Variants in DNAH5 observed in about 807,000 individuals in gnomAD.
DNAH5 encodes the protein axonemal beta dynein heavy chain 5.
DNAH5 carries 372 observed loss-of-function variants against 518.2 expected under a neutral mutation model. The ratio of observed to expected loss-of-function variants is 0.72; its 90% CI spans 0.66 to 0.78. The LOEUF is 0.78. Ranked by LOEUF, DNAH5 falls within the 30% of genes least tolerant of loss-of-function variation. The probability of loss-of-function intolerance (pLI) is 0.00; values close to 1 mark genes in which losing one functional copy is unlikely to be tolerated. For synonymous variants in DNAH5, 2,039 were observed against 2,025.9 expected (o/e 1.01, Z -0.17); for missense variants, 5,523 against 5,687.0 (o/e 0.97, Z 0.93).
At position 13,900,475 on chromosome 5, in the gene DNAH5, A is replaced by G. The variant is rs929529761; in HGVS notation, c.2053-63T>C. 3.1e-6 allele frequency: 4 copies of G among 1,304,560 alleles called. No individual in the cohort carries two copies. In the Admixed American group the frequency reaches 5.2e-5, roughly 17 times the overall value. 80.8% of individuals were successfully genotyped at this position (1,304,560 alleles called of 1,614,324 possible). A position where few individuals can be genotyped will look rare whatever the true frequency, so the allele number is the denominator to read the frequency against. ...TCAATTCATGCAGAGTATCTAGCTC[A>G]GCTATCTCTAGGAATAAGGATCATT... On this transcript the variant is annotated intron_variant, in intron 14 of 78. Coordinates refer to ENST00000265104, the MANE Select transcript of DNAH5 (RefSeq NM_001369.3).
chr5:13,870,771 A>G lies in DNAH5; in HGVS notation c.3830T>C (p.Ile1277Thr), dbSNP rs867208343. 8 of 1,612,338 alleles carry G rather than the reference A, an allele frequency of 5.0e-6. No individual in the cohort carries two copies. The highest frequency in any genetic ancestry group is 3.3e-5 in the South Asian group (3 of 91,024). The change falls in exon 24 of 79, where the codon ATT (isoleucine) becomes ACT (threonine). Residue 1277 changes from isoleucine (I) to threonine (T), a missense_variant. Ile to Thr is a moderately conservative substitution (Grantham distance 89). This residue lies in a region of DNAH5 where 5,121 missense variants were observed against 5,223.3 expected (regional missense o/e 0.98). Coordinates refer to ENST00000265104, the MANE Select transcript of DNAH5 (RefSeq NM_001369.3). ...GAACAAATGATCATTAGTTACCTCAATAGGTCCTACTTGAAAGTCAATGGA... is the reference window on the plus strand; with the variant it reads ...GAACAAATGATCATTAGTTACCTCAGTAGGTCCTACTTGAAAGTCAATGGA... ...QISIDFQVGPIEESYALLNRY... is the reference protein window; with the variant it reads ...QISIDFQVGPTEESYALLNRY...
rs139364454 is a variant in DNAH5, at chr5:13,850,806, G to T, written c.4960C>A (p.Arg1654=). The T allele has an allele frequency of 2.5e-6, 4 of 1,614,078 alleles. No individual in the cohort carries two copies. Among genetic ancestry groups the T allele is most frequent in the South Asian group, 2.2e-5 (2 of 91,072 alleles). ...IAKQLPKEAK[R]FSNIDKSWVK... is the part of the protein sequence containing the mutation. The stretch of plus-strand genomic sequence containing the variant: ...CAAGATTTATCTATGTTAGAAAACC[G>T]CTTGGCTTCCTATGAGAACAAGGTA... The change falls in exon 31 of 79, where the codon CGG becomes AGG. Residue 1654 remains arginine (R), a synonymous_variant. Transcript: ENST00000265104.
At chr5:13,860,442 C>T (rs1014879765) in intron 29 of DNAH5, 11 of 152,278 alleles carry the variant, frequency 7.2e-5, no homozygotes, top group African/African-American at 2.7e-4. Context: ...GTCCTACGTA[C>T]AGAGACTCTG....
chr5:13,794,087 T>A (rs1274977138), intron 47 of DNAH5, 29 bp from the exon 48 acceptor site: 2 of 1,613,872 alleles, frequency 1.2e-6, no homozygotes, highest in Non-Finnish European at 1.7e-6. Flanking sequence ...CTGAAACATC[T>A]GTGAAAATAT....
rs1401209111 is a variant in DNAH5 at position 13,876,674 on chromosome 5, C to G, written c.3396+10G>C. 6.2e-7 allele frequency: 1 copy of G among 1,612,922 alleles called. No individual in the cohort carries two copies. The highest frequency in any genetic ancestry group is 1.3e-5 in the African/African-American group (1 of 74,862). On this transcript the variant is annotated intron_variant, in intron 22 of 78. Coordinates refer to ENST00000265104, the MANE Select transcript of DNAH5 (RefSeq NM_001369.3). ...GCAAAAGGTCCGGCTGCCAGACCCT[C>G]TTGACATACCTTTTTGGTGGAGTTG...
intron 62 of DNAH5, 49 bp from the exon 63 acceptor site, chr5:13,753,598 GATTGTA>G: frequency 6.8e-7 from 1 of 1,476,566 alleles, no homozygotes; most frequent in Non-Finnish European, 9.4e-7. Flanking sequence ...TCATCCGTGT[GATTGTA>G]CAGCATATTA....
chr5:13,758,718 C>T, intron 61 of DNAH5, 128 bp downstream of exon 61: 1 of 1,352,644 alleles, frequency 7.4e-7, no homozygotes, highest in Non-Finnish European at 1.0e-6. Flanking sequence ...ATCAAAGACC[C>T]TTGGTGTCCA....
chr5:13,735,470 C>T (rs1561137703), intron 67 of DNAH5, 149 bp from the exon 68 acceptor site: 3 of 765,054 alleles, frequency 3.9e-6, no homozygotes, highest in Non-Finnish European at 6.4e-6. Flanking sequence ...TCTAAAATAA[C>T]AAGAATTCTC....
intron 78 of DNAH5, among the ~76,000 whole-genome samples, chr5:13,695,904 G>T (rs1361918073): frequency 1.3e-5 from 2 of 151,874 alleles, no homozygotes; most frequent in Non-Finnish European, 2.9e-5. Flanking sequence ...ATCTACTTAC[G>T]CATGGACCTT....
intron 19 of DNAH5, among the ~76,000 whole-genome samples, chr5:13,883,885 C>T (rs529843551): frequency 6.6e-6 from 1 of 152,156 alleles, no homozygotes; most frequent in Admixed American, 6.5e-5. Context: ...AGAGTTTCCA[C>T]TTTTATTTAC....
intron 64 of DNAH5, 59 bp downstream of exon 64, chr5:13,752,075 A>T (rs892724041): frequency 1.3e-6 from 2 of 1,567,026 alleles, no homozygotes; most frequent in Non-Finnish European, 1.8e-6. Flanking sequence ...TATCTGTGTC[A>T]CATTGACCTG....
Position 13,768,978 on chromosome 5 carries a change from C to T in DNAH5, c.9879G>A (p.Glu3293=), listed in dbSNP as rs764348016. The T allele has an allele frequency of 6.2e-7, 1 of 1,614,178 alleles. No homozygotes were observed. Among genetic ancestry groups the T allele is most frequent in the Non-Finnish European group, 8.5e-7 (1 of 1,180,000 alleles). Residue 3293 remains glutamate, a synonymous_variant, in exon 58 of 79, where the codon GAG becomes GAA. Coordinates refer to ENST00000265104, the MANE Select transcript of DNAH5 (RefSeq NM_001369.3). ...GATGCACCTGCAATGCAGCTTCTGCCTCTTCTAAAGCTGGTTTTGCTGCTT... is the reference window on the plus strand; with the variant it reads ...GATGCACCTGCAATGCAGCTTCTGCTTCTTCTAAAGCTGGTTTTGCTGCTT... ...KLEAAKPALE[E]AEAALQTIRP... is the part of the protein sequence containing the mutation.
intron 77 of DNAH5, 56 bp from the exon 78 acceptor site, chr5:13,700,927 G>C: frequency 1.3e-6 from 2 of 1,535,826 alleles, no homozygotes; most frequent in Non-Finnish European, 1.8e-6. Context: ...TTAATAGAAA[G>C]AGCATAACAA....
rs183199183 is a variant in DNAH5 at position 13,763,585 on chromosome 5, A to G, written c.10102-684T>C. Reference sequence around the variant, plus strand: ...CAAACAATGAAATTGGATCTTTTAAAAGTGGTGTTTGATCATTTAAAAGAG... The same window carrying G: ...CAAACAATGAAATTGGATCTTTTAAGAGTGGTGTTTGATCATTTAAAAGAG... On this transcript the variant is annotated intron_variant, in intron 59 of 78. Coordinates refer to ENST00000265104, the MANE Select transcript of DNAH5 (RefSeq NM_001369.3). Among the ~76,000 whole-genome samples, 516 of 152,358 alleles carry G rather than the reference A, an allele frequency of 3.4e-3. 5 individuals carry two copies. The highest frequency in any genetic ancestry group is 5.3e-3 in the Non-Finnish European group (362 of 68,032).
intron 17 of DNAH5, among the ~76,000 whole-genome samples, chr5:13,890,158 G>A (rs1217946647): frequency 6.6e-6 from 1 of 152,192 alleles, no homozygotes; most frequent in African/African-American, 2.4e-5. Context: ...TGTAATCCCA[G>A]TACTTTGGGA....
chr5:13,982,429 C>A (rs1215637319), intron 1 of DNAH5, among the ~76,000 whole-genome samples: 2 of 151,182 alleles, frequency 1.3e-5, no homozygotes, highest in Non-Finnish European at 3.0e-5. Flanking sequence ...AGTGAGTAGA[C>A]ATATGCACTA....
intron 12 of DNAH5, among the ~76,000 whole-genome samples, chr5:13,905,335 G>T (rs1310714992): frequency 6.6e-6 from 1 of 152,162 alleles, no homozygotes; most frequent in African/African-American, 2.4e-5. Context: ...CGCAGGAGTG[G>T]GTTGTTATAA....
Position 13,876,712 on chromosome 5 carries a change from A to C in DNAH5, c.3368T>G (p.Leu1123Arg). The C allele has an allele frequency of 6.2e-7, 1 of 1,613,954 alleles. No individual in the cohort carries two copies. Among genetic ancestry groups the C allele is most frequent in the Non-Finnish European group, 8.5e-7 (1 of 1,179,868 alleles). ...TTTGGTGGAGTTGATAATTGTGCTA[A>C]GCACAGAAACTAATTTTACAATCTC... Reference protein sequence around the residue: ...NKEIVKLVSVLSTIINSTKKE... With the variant: ...NKEIVKLVSVRSTIINSTKKE... The change falls in exon 22 of 79, where the codon CTT becomes CGT. Residue 1123 changes from leucine to arginine, a missense_variant. Physicochemically the swap from Leu to Arg is moderately radical, Grantham distance 102. This residue lies in a region of DNAH5 where 5,121 missense variants were observed against 5,223.3 expected (regional missense o/e 0.98). Transcript: ENST00000265104.
chr5:13,713,434 CATATAT>C (rs200836910), intron 75 of DNAH5, among the ~76,000 whole-genome samples: 1,603 of 70,650 alleles, frequency 0.023, 94 homozygotes, highest in Admixed American at 0.13. Context: ...TATACATCGA[CATATAT>C]ATATATATAT....
Sources: allele counts gnomAD v4.1 joint callset (sites outside exome capture counted in the v4.1 genomes callset), GRCh38; gene constraint gnomAD v4.1.1; regional missense constraint gnomAD v4.1.1; transcripts MANE v1.5; gene names NCBI Gene and HGNC (gene_info 2026-07-23, HGNC 2026-07-21).